The following KCNH7 variants were observed in gnomAD, a reference collection of about 807,000 sequenced individuals.
KCNH7 encodes the protein voltage-gated inwardly rectifying potassium channel KCNH7.
A neutral mutation model predicts 120.8 loss-of-function variants in KCNH7; 49 were observed. The ratio of observed to expected loss-of-function variants is 0.41; its 90% CI spans 0.32 to 0.51. The LOEUF (loss-of-function observed/expected upper bound fraction) is 0.51, where lower values mean the gene tolerates loss of function less well. Ranked by LOEUF, KCNH7 falls within the 20% of genes least tolerant of loss-of-function variation. The pLI is 0.38. For synonymous variants in KCNH7, 547 were observed against 516.1 expected, an observed-to-expected ratio of 1.06 and a Z score of -0.81; for missense variants, 1,097 against 1,446.6, an observed-to-expected ratio of 0.76 and a Z score of 3.92.
At chr2:162,479,879 A>C (rs1387482035) in intron 6 of KCNH7, among the ~76,000 whole-genome samples, 1 of 152,178 alleles carries the variant, frequency 6.6e-6, no homozygotes, top group Non-Finnish European at 1.5e-5. Context: ...ATGGAAAATA[A>C]ATGCAGGCTG....
chr2:162,507,738 A>G (rs1690932304), intron 5 of KCNH7, among the ~76,000 whole-genome samples: 2 of 151,616 alleles, frequency 1.3e-5, no homozygotes, highest in South Asian at 4.1e-4. Context: ...ATTTATAAGA[A>G]TACCATACTT....
intron 2 of KCNH7, among the ~76,000 whole-genome samples, chr2:162,597,247 T>A (rs1219136177): frequency 6.6e-6 from 1 of 152,048 alleles, no homozygotes; most frequent in Non-Finnish European, 1.5e-5. Context: ...TCTCCTCCCA[T>A]GTTCATGGCA....
At chr2:162,515,698 TTC>T (rs1691262259) in intron 4 of KCNH7, among the ~76,000 whole-genome samples, 1 of 151,802 alleles carries the variant, frequency 6.6e-6, no homozygotes, top group Non-Finnish European at 1.5e-5. Flanking sequence ...AGCGGTTTCA[TTC>T]TGTCAGGAAA....
chr2:162,484,720 C>T (rs911425827), intron 6 of KCNH7, among the ~76,000 whole-genome samples: 1 of 152,240 alleles, frequency 6.6e-6, no homozygotes, highest in Non-Finnish European at 1.5e-5. Context: ...TCATGAATGG[C>T]CTGGTGCCAA....
chr2:162,748,927 T>TTCCTTCCTTCC lies in KCNH7; in HGVS notation c.307+87609_307+87610insGGAAGGAAGGA, dbSNP rs1482969127. Among the ~76,000 whole-genome samples the TTCCTTCCTTCC allele has an allele frequency of 1.1e-4, 3 of 27,862 alleles. 1 individual carries two copies. The highest frequency in any genetic ancestry group is 5.0e-3 in the East Asian group (2 of 398). 18.3% of individuals were successfully genotyped at this position (27,862 alleles called of 152,430 possible). A position where few individuals can be genotyped will look rare whatever the true frequency, so the allele number is the denominator to read the frequency against. On this transcript the variant is annotated intron_variant, in intron 2 of 15. Transcript: ENST00000332142. The stretch of plus-strand genomic sequence containing the variant: ...CCTTCCTTCCTTCCCTTCCCTTTCC[T>TTCCTTCCTTCC]TTCCTTCCTTCCTTCCTTCCTTCCT...
intron 2 of KCNH7, among the ~76,000 whole-genome samples, chr2:162,753,386 T>C (rs542356658): frequency 1.3e-5 from 2 of 152,292 alleles, no homozygotes; most frequent in Non-Finnish European, 2.9e-5. Context: ...ATATACCTTA[T>C]AATTTCACAG....
At chr2:162,566,369 A>G (rs752404541) in intron 2 of KCNH7, among the ~76,000 whole-genome samples, 1 of 152,032 alleles carries the variant, frequency 6.6e-6, no homozygotes, top group African/African-American at 2.4e-5. Flanking sequence ...CAAGTGTTCA[A>G]TAAATGCTTT....
chr2:162,748,835 C>CCCCTT (rs1415003889), intron 2 of KCNH7, among the ~76,000 whole-genome samples: 1 of 100,302 alleles, frequency 1.0e-5, no homozygotes, highest in African/African-American at 5.1e-5. Context: ...CCCCTCCCCT[C>CCCCTT]CTCTCCCCTC....
intron 2 of KCNH7, among the ~76,000 whole-genome samples, chr2:162,836,025 T>G (rs192785014): frequency 5.9e-5 from 9 of 152,312 alleles, no homozygotes; most frequent in Non-Finnish European, 7.4e-5. Context: ...TTCCTATTTA[T>G]CATCCTTAAT....
At chr2:162,595,104 C>A (rs62188253) in intron 2 of KCNH7, among the ~76,000 whole-genome samples, 1 of 151,912 alleles carries the variant, frequency 6.6e-6, no homozygotes, top group Non-Finnish European at 1.5e-5. Flanking sequence ...AATTTCTAAA[C>A]GAGAGAGGTT....
At chr2:162,559,809 A>AAG (rs944432813) in intron 2 of KCNH7, among the ~76,000 whole-genome samples, 2 of 152,210 alleles carry the variant, frequency 1.3e-5, no homozygotes, top group Admixed American at 6.5e-5. Context: ...GAACACTGGA[A>AAG]AGAGAGAGGA....
At chr2:162,681,636 A>G (rs1559079353) in intron 2 of KCNH7, among the ~76,000 whole-genome samples, 3 of 151,722 alleles carry the variant, frequency 2.0e-5, no homozygotes, top group Non-Finnish European at 4.4e-5. Flanking sequence ...AAATCACCCC[A>G]TTAATGTTGC....
At chr2:162,822,539 G>C (rs769030335) in intron 2 of KCNH7, among the ~76,000 whole-genome samples, 1 of 151,976 alleles carries the variant, frequency 6.6e-6, no homozygotes, top group Non-Finnish European at 1.5e-5. Flanking sequence ...ATTAGACTAT[G>C]CTCCCTCCTT....
At chr2:162,477,477 C>T (rs1689785324) in intron 6 of KCNH7, among the ~76,000 whole-genome samples, 1 of 152,062 alleles carries the variant, frequency 6.6e-6, no homozygotes. Flanking sequence ...CTGCAGGCTT[C>T]AGAGATAGAA....
intron 9 of KCNH7, among the ~76,000 whole-genome samples, chr2:162,422,815 T>C (rs2241240): frequency 0.02 from 3,064 of 152,220 alleles, 206 homozygotes; most frequent in Admixed American, 0.14. Flanking sequence ...GTTTAAAATA[T>C]AGAAAAAAAA....
intron 2 of KCNH7, among the ~76,000 whole-genome samples, chr2:162,595,233 G>T (rs537311977): frequency 2.2e-4 from 34 of 152,082 alleles, no homozygotes; most frequent in African/African-American, 7.7e-4. Context: ...TGGAGTAAGT[G>T]CAAGCAGGGG....
At chr2:162,617,219 C>T (rs890575822) in intron 2 of KCNH7, among the ~76,000 whole-genome samples, 2 of 152,242 alleles carry the variant, frequency 1.3e-5, no homozygotes, top group Admixed American at 6.5e-5. Context: ...GTGGCTCACG[C>T]CTGTAATCCC....
intron 2 of KCNH7, among the ~76,000 whole-genome samples, chr2:162,565,088 G>A (rs1243045388): frequency 1.3e-5 from 2 of 152,070 alleles, no homozygotes; most frequent in Non-Finnish European, 2.9e-5. Context: ...CCAACAAGTA[G>A]GGGCTTCAAT....
At chr2:162,538,258 G>A (rs991157825) in intron 2 of KCNH7, among the ~76,000 whole-genome samples, 4 of 151,858 alleles carry the variant, frequency 2.6e-5, no homozygotes, top group African/African-American at 4.8e-5. Context: ...ATCAGCTATC[G>A]TTAGCATTAG....
Sources: gnomAD v4.1 joint callset for allele counts (sites outside exome capture counted in the v4.1 genomes callset) on GRCh38, gnomAD v4.1.1 for gene constraint, MANE v1.5 for transcripts, NCBI Gene and HGNC (gene_info 2026-07-23, HGNC 2026-07-21) for gene names.